The following SNX29 variants were observed in gnomAD, a reference collection of about 807,000 sequenced individuals.
SNX29 encodes sorting nexin-29.
In SNX29, 78 loss-of-function variants were observed where a neutral mutation model predicts 102.1. The ratio of observed to expected loss-of-function variants is 0.76; its 90% CI spans 0.64 to 0.92. The LOEUF (loss-of-function observed/expected upper bound fraction) is 0.92, where lower values mean the gene tolerates loss of function less well. Among genes scored for constraint, SNX29 ranks in the 40% least tolerant of loss-of-function variants. The pLI, the probability that SNX29 is intolerant of heterozygous loss-of-function variation, is 0.00. For missense variants in SNX29, 1,280 were observed against 1,061.7 expected (o/e 1.21, Z -2.86); for synonymous variants, 580 against 414.5 (o/e 1.40, Z -4.85).
intron 18 of SNX29, among the ~76,000 whole-genome samples, chr16:12,430,416 A>G (rs905060630): frequency 1.3e-5 from 2 of 152,228 alleles, no homozygotes; most frequent in Non-Finnish European, 2.9e-5. Context: ...CTCCAAGAAC[A>G]GACCTGAGGG....
chr16:12,015,832 C>T (rs1052281961), intron 3 of SNX29, among the ~76,000 whole-genome samples: 1 of 151,694 alleles, frequency 6.6e-6, no homozygotes, highest in East Asian at 1.9e-4. Context: ...CCACTGTGCC[C>T]AGCCTCCAAG....
chr16:12,032,946 C>T (rs1405786989), intron 4 of SNX29, among the ~76,000 whole-genome samples: 2 of 152,130 alleles, frequency 1.3e-5, no homozygotes, highest in East Asian at 1.9e-4. Context: ...CCTCCACCCC[C>T]CAGGTTCAAG....
At chr16:12,160,124 T>C (rs1359319767) in intron 13 of SNX29, among the ~76,000 whole-genome samples, 1 of 152,216 alleles carries the variant, frequency 6.6e-6, no homozygotes. Flanking sequence ...GACTCTGATG[T>C]TGCCAGGTGT....
rs138455718 is a variant in SNX29 at position 12,429,686 on chromosome 16, A to G, written c.2037+26157A>G. Among the ~76,000 whole-genome samples the G allele has an allele frequency of 1.5e-3, 230 of 152,248 alleles. 1 individual carries two copies. Among genetic ancestry groups the G allele is most frequent in the African/African-American group, 5.4e-3 (224 of 41,548 alleles). On this transcript the variant is annotated intron_variant, in intron 18 of 20. Transcript: ENST00000566228. ...ATCACGCTGTCATATCATTTCTCTGATTGTTCCTTTTGCTCAACATTTAAG... is the reference window on the plus strand; with the variant it reads ...ATCACGCTGTCATATCATTTCTCTGGTTGTTCCTTTTGCTCAACATTTAAG...
intron 4 of SNX29, among the ~76,000 whole-genome samples, chr16:12,033,582 A>G (rs530594669): frequency 6.0e-5 from 9 of 149,578 alleles, no homozygotes; most frequent in South Asian, 4.3e-4. Flanking sequence ...CATCAAACCT[A>G]TGTATGGAAC....
At chr16:12,433,865 T>C (rs578222486) in intron 18 of SNX29, among the ~76,000 whole-genome samples, 20 of 152,298 alleles carry the variant, frequency 1.3e-4, no homozygotes, top group Non-Finnish European at 2.5e-4. Context: ...TCAAAGGCCC[T>C]ATTCAGCTTT....
chr16:12,412,517 G>A (rs2084444334), intron 18 of SNX29, among the ~76,000 whole-genome samples: 2 of 152,222 alleles, frequency 1.3e-5, no homozygotes, highest in African/African-American at 2.4e-5. Context: ...GGGAGAGAGC[G>A]CTGCAAAGAC....
At chr16:12,336,797 T>A (rs1161410853) in intron 15 of SNX29, among the ~76,000 whole-genome samples, 1 of 152,034 alleles carries the variant, frequency 6.6e-6, no homozygotes, top group African/African-American at 2.4e-5. Context: ...TTGAAAAAAA[T>A]TAGCCAGGTG....
intron 13 of SNX29, among the ~76,000 whole-genome samples, chr16:12,153,847 G>A (rs2055412916): frequency 6.6e-6 from 1 of 152,114 alleles, no homozygotes; most frequent in South Asian, 2.1e-4. Flanking sequence ...TAGCAAGCCG[G>A]TGTGACAGGA....
chr16:12,364,126 AG>A (rs1171576084), intron 16 of SNX29, among the ~76,000 whole-genome samples: 1 of 151,180 alleles, frequency 6.6e-6, no homozygotes, highest in East Asian at 1.9e-4. Flanking sequence ...TGGAGTAGCT[AG>A]GACTACAGGT....
At chr16:12,439,462 T>G (rs1156257260) in intron 18 of SNX29, among the ~76,000 whole-genome samples, 1 of 151,892 alleles carries the variant, frequency 6.6e-6, no homozygotes, top group Non-Finnish European at 1.5e-5. Flanking sequence ...GGACTCACAG[T>G]TCCCATGACT....
At chr16:12,313,202 C>T (rs547377480) in intron 15 of SNX29, among the ~76,000 whole-genome samples, 18 of 152,098 alleles carry the variant, frequency 1.2e-4, no homozygotes, top group Middle Eastern at 3.4e-3. Flanking sequence ...TTAGTAGAGA[C>T]GGGGTTTCAC....
chr16:12,543,795 A>G (rs1302474834), intron 20 of SNX29, among the ~76,000 whole-genome samples: 2 of 152,234 alleles, frequency 1.3e-5, no homozygotes, highest in Non-Finnish European at 2.9e-5. Flanking sequence ...GGTGCTCTAG[A>G]GATTTCTCCC....
At chr16:12,529,724 C>G (rs953768031) in intron 20 of SNX29, among the ~76,000 whole-genome samples, 3 of 152,036 alleles carry the variant, frequency 2.0e-5, no homozygotes, top group African/African-American at 7.3e-5. Flanking sequence ...TGAAATATAT[C>G]CATTTTTTGC....
At chr16:12,471,387 G>A (rs1414935250) in intron 18 of SNX29, among the ~76,000 whole-genome samples, 2 of 152,162 alleles carry the variant, frequency 1.3e-5, no homozygotes, top group African/African-American at 2.4e-5. Context: ...CAAAGACTTA[G>A]CCTCTAGCAC....
In SNX29 at chr16:12,572,969, CAA is replaced by C. The variant is rs2079219636; in HGVS notation, c.*4343_*4344del. 1.8e-6 allele frequency: 1 copy of C among 548,584 alleles called. No homozygotes were observed. The highest frequency in any genetic ancestry group is 8.5e-5 in the South Asian group (1 of 11,772). 34.0% of individuals were successfully genotyped at this position (548,584 alleles called of 1,614,324 possible). A position where few individuals can be genotyped will look rare whatever the true frequency, so the allele number is the denominator to read the frequency against. ...CTTATGAGCAAGGTCAAAGATTTTTCAAAATATTGTGCATTAATTCATTAAAG... is the reference window on the plus strand; with the variant it reads ...CTTATGAGCAAGGTCAAAGATTTTTCAATATTGTGCATTAATTCATTAAAG... On this transcript the variant is annotated 3_prime_UTR_variant, in exon 21 of 21. Transcript: ENST00000566228.
intron 18 of SNX29, among the ~76,000 whole-genome samples, chr16:12,475,866 A>G (rs546377170): frequency 6.6e-6 from 1 of 152,240 alleles, no homozygotes; most frequent in African/African-American, 2.4e-5. Flanking sequence ...AAAACAAATG[A>G]ATGTGGCTGA....
chr16:12,028,749 A>T (rs997008082), intron 4 of SNX29, among the ~76,000 whole-genome samples: 2 of 150,362 alleles, frequency 1.3e-5, no homozygotes, highest in African/African-American at 2.4e-5. Context: ...GGTACCTGTG[A>T]TTTTTTATTT....
chr16:12,192,364 C>T (rs1403091657), intron 13 of SNX29, among the ~76,000 whole-genome samples: 2 of 152,218 alleles, frequency 1.3e-5, no homozygotes, highest in Non-Finnish European at 2.9e-5. Flanking sequence ...ACGGCTACCT[C>T]TTCGGTCCTC....
Sources: allele counts gnomAD v4.1 joint callset (sites outside exome capture counted in the v4.1 genomes callset), GRCh38; gene constraint gnomAD v4.1.1; transcripts MANE v1.5; gene names NCBI Gene and HGNC (gene_info 2026-07-23, HGNC 2026-07-21).